Variants in BCL2L14 observed in about 807,000 individuals in gnomAD.
The protein encoded by BCL2L14 is apoptosis facilitator Bcl-2-like protein 14.
BCL2L14 carries 27 observed loss-of-function variants against 35.3 expected under a neutral mutation model. The observed-to-expected ratio is 0.76, with a 90% confidence interval of 0.56 to 1.05. The LOEUF is 1.05. Ranked by LOEUF, BCL2L14 falls within the 50% of genes least tolerant of loss-of-function variation. The probability of loss-of-function intolerance (pLI) is 0.00; values close to 1 mark genes in which losing one functional copy is unlikely to be tolerated. For missense variants in BCL2L14, 377 were observed against 382.6 expected (o/e 0.99, Z 0.12); for synonymous variants, 139 against 145.9 (o/e 0.95, Z 0.34).
chr12:12,063,789 G>T (rs1472307352), intron 2 of BCL2L14, among the ~76,000 whole-genome samples: 4 of 152,080 alleles, frequency 2.6e-5, no homozygotes, highest in Non-Finnish European at 4.4e-5. Context: ...CACAAAAGAC[G>T]TGAAAATGGC....
chr12:12,077,340 C>T (rs79301629), intron 1 of BCL2L14, among the ~76,000 whole-genome samples: 20 of 151,908 alleles, frequency 1.3e-4, no homozygotes, highest in Admixed American at 3.9e-4. Context: ...CCAGGAGTTT[C>T]GCACCAGACT....
At chr12:12,078,899 C>T (rs750926270) in intron 1 of BCL2L14, among the ~76,000 whole-genome samples, 1 of 152,172 alleles carries the variant, frequency 6.6e-6, no homozygotes. Context: ...TGGGTTCAAG[C>T]GATTCTTCTG....
upstream of BCL2L14, among the ~76,000 whole-genome samples, chr12:12,067,922 T>C (rs978163568): frequency 3.0e-4 from 45 of 151,978 alleles, no homozygotes; most frequent in Non-Finnish European, 8.8e-5. Context: ...ATAGTTGCTT[T>C]ACCAAAACCT....
At chr12:12,061,055 T>C (rs1948516437) in intron 2 of BCL2L14, among the ~76,000 whole-genome samples, 1 of 101,846 alleles carries the variant, frequency 9.8e-6, no homozygotes, top group Non-Finnish European at 2.0e-5. Flanking sequence ...CTTCTAAACC[T>C]CTTAAAACTC....
rs61733246 is a variant in BCL2L14 at position 12,079,386 on chromosome 12, C to T, written c.81C>T (p.Leu27=). The T allele has an allele frequency of 3.7e-4, 604 of 1,614,174 alleles. 5 individuals carry two copies. In the African/African-American group the frequency reaches 6.3e-3, roughly 17 times the overall value. The change falls in exon 2 of 6, where the codon CTC becomes CTT. Residue 27 remains leucine (L), a synonymous_variant. Transcript: ENST00000308721. ...DDLNTIEFKI[L]AYYTRHHVFK... is the part of the protein sequence containing the mutation. ...TAAACACCATAGAATTCAAAATCCT[C>T]GCCTACTACACCAGACATCATGTCT...
chr12:12,056,716 C>G (rs1237637862), intron 2 of BCL2L14, among the ~76,000 whole-genome samples: 2 of 152,120 alleles, frequency 1.3e-5, no homozygotes, highest in African/African-American at 4.8e-5. Context: ...GCCTGTAATC[C>G]CAGCTACTCA....
At chr12:12,066,588 A>G (rs539379144), upstream of BCL2L14, among the ~76,000 whole-genome samples, 10 of 152,330 alleles carry the variant, frequency 6.6e-5, no homozygotes, top group African/African-American at 1.9e-4. Flanking sequence ...TTCATACCCA[A>G]TAATTCCACT....
intron 4 of BCL2L14, among the ~76,000 whole-genome samples, chr12:12,092,144 T>C (rs1949202274): frequency 6.6e-6 from 1 of 152,194 alleles, no homozygotes; most frequent in South Asian, 2.1e-4. Flanking sequence ...CCTTCCCAGC[T>C]TCCCTAAGCA....
At chr12:12,085,065 C>T (rs1335838209) in intron 2 of BCL2L14, among the ~76,000 whole-genome samples, 2 of 124,624 alleles carry the variant, frequency 1.6e-5, no homozygotes, top group African/African-American at 6.3e-5. Context: ...GCCTGGGCAA[C>T]AGAGCGAGAC....
rs1002399026 is a variant in BCL2L14, at chr12:12,099,228, A to G, written c.*240A>G. ...AGGCCCTCCATTGAGAACCTGAGGA[A>G]ATCTGTAAAGATAAGTGGTGATGTT... On this transcript the variant is annotated 3_prime_UTR_variant, in exon 6 of 6. Coordinates refer to ENST00000308721, the MANE Select transcript of BCL2L14 (RefSeq NM_138723.2). 1.4e-5 allele frequency: 7 copies of G among 516,746 alleles called. No homozygotes were observed. Among genetic ancestry groups the G allele is most frequent in the Non-Finnish European group, 2.4e-5 (7 of 287,580 alleles). 32.0% of individuals were successfully genotyped at this position (516,746 alleles called of 1,614,324 possible). A position where few individuals can be genotyped will look rare whatever the true frequency, so the allele number is the denominator to read the frequency against.
chr12:12,068,368 ATTGT>A (rs1948618708), upstream of BCL2L14: 1 of 389,398 alleles, frequency 2.6e-6, no homozygotes, highest in East Asian at 3.6e-5. Context: ...TTGTGGTTTT[ATTGT>A]TTGTTTTTCT....
intron 2 of BCL2L14, among the ~76,000 whole-genome samples, chr12:12,080,919 C>A (rs966517269): frequency 6.6e-6 from 1 of 152,204 alleles, no homozygotes. Flanking sequence ...CACTGAGGCT[C>A]ATACCTGTAA....
chr12:12,087,158 T>G, intron 2 of BCL2L14, 55 bp from the exon 3 acceptor site: 23 of 1,574,262 alleles, frequency 1.5e-5, no homozygotes, highest in East Asian at 6.7e-5. Flanking sequence ...TGCATACCAA[T>G]GAGCCAGATG....
At chr12:12,061,118 T>C (rs2136715261) in intron 2 of BCL2L14, among the ~76,000 whole-genome samples, 1 of 123,920 alleles carries the variant, frequency 8.1e-6, no homozygotes, top group Middle Eastern at 3.6e-3. Context: ...CCTTTTTAGT[T>C]ATCCCCACCT....
Position 12,090,778 on chromosome 12 carries a change from G to T in BCL2L14, c.608-1G>T, listed in dbSNP as rs767730885. On this transcript the variant is annotated splice_acceptor_variant, in intron 3 of 5. Transcript: ENST00000308721. LOFTEE classifies it high-confidence loss of function. ...GAAATAACTGGAATTTTCCCCGACA[G>T]ATGAAGAAGAACAAATACTAGCCAA... 9 of 1,609,756 alleles carry T rather than the reference G, an allele frequency of 5.6e-6. No individual in the cohort carries two copies. The highest frequency in any genetic ancestry group is 6.8e-6 in the Non-Finnish European group (8 of 1,178,406).
intron 2 of BCL2L14, among the ~76,000 whole-genome samples, chr12:12,061,310 G>GA (rs1948522601): frequency 6.6e-6 from 1 of 151,102 alleles, no homozygotes; most frequent in Admixed American, 6.6e-5. Context: ...CCTCCTTGGC[G>GA]ACCAATCACA....
At chr12:12,088,921 T>G (rs1949107900) in intron 3 of BCL2L14, among the ~76,000 whole-genome samples, 1 of 152,150 alleles carries the variant, frequency 6.6e-6, no homozygotes, top group Admixed American at 6.5e-5. Flanking sequence ...CTATCCCACA[T>G]GGGCTTGGGA....
At chr12:12,064,660 C>A (rs1565447263) in intron 2 of BCL2L14, among the ~76,000 whole-genome samples, 1 of 152,192 alleles carries the variant, frequency 6.6e-6, no homozygotes, top group South Asian at 2.1e-4. Context: ...GTAAAATGAA[C>A]ATTCTGTCTC....
intron 4 of BCL2L14, 52 bp from the exon 5 acceptor site, chr12:12,094,612 C>G: frequency 1.2e-6 from 2 of 1,614,220 alleles, no homozygotes; most frequent in Non-Finnish European, 1.7e-6. Flanking sequence ...GAACTTCTGT[C>G]TGCCTCGTGG....
Sources: allele counts gnomAD v4.1 joint callset (sites outside exome capture counted in the v4.1 genomes callset), GRCh38; gene constraint gnomAD v4.1.1; transcripts MANE v1.5; gene names NCBI Gene and HGNC (gene_info 2026-07-23, HGNC 2026-07-21).